Variants in DCC observed in about 807,000 individuals in gnomAD.
The protein encoded by DCC is DCC netrin 1 receptor, also known as netrin receptor DCC.
A neutral mutation model predicts 172.5 loss-of-function variants in DCC; 58 were observed. That is an observed-to-expected ratio of 0.34 (90% CI 0.27 to 0.42). DCC has a LOEUF of 0.42. Among genes scored for constraint, DCC ranks in the 10% least tolerant of loss-of-function variants. The probability of loss-of-function intolerance (pLI) is 1.00; values close to 1 mark genes in which losing one functional copy is unlikely to be tolerated. For missense variants in DCC, 1,740 were observed against 1,791.0 expected, an observed-to-expected ratio of 0.97 and a Z score of 0.51; for synonymous variants, 709 against 644.5, an observed-to-expected ratio of 1.10 and a Z score of -1.52.
chr18:52,420,042 A>G (rs957012116), intron 1 of DCC, among the ~76,000 whole-genome samples: 1 of 152,150 alleles, frequency 6.6e-6, no homozygotes, highest in African/African-American at 2.4e-5. Context: ...AATGTATTTA[A>G]CCATTGTGTG....
intron 16 of DCC, among the ~76,000 whole-genome samples, chr18:53,388,029 A>C (rs1251491288): frequency 6.6e-6 from 1 of 152,208 alleles, no homozygotes; most frequent in Admixed American, 6.5e-5. Context: ...TAATTCTAGC[A>C]TATGACATTC....
chr18:52,793,491 G>T (rs1373397955), intron 2 of DCC, among the ~76,000 whole-genome samples: 2 of 152,056 alleles, frequency 1.3e-5, no homozygotes, highest in South Asian at 2.1e-4. Flanking sequence ...AGTAGTATTT[G>T]TTTTTTGGCT....
intron 1 of DCC, among the ~76,000 whole-genome samples, chr18:52,698,757 C>T (rs1272665852): frequency 8.2e-6 from 1 of 122,070 alleles, no homozygotes; most frequent in African/African-American, 3.2e-5. Context: ...CGCCACCACG[C>T]CTGGCTATTT....
intron 7 of DCC, among the ~76,000 whole-genome samples, chr18:53,093,489 T>C (rs1443678314): frequency 6.6e-6 from 1 of 152,108 alleles, no homozygotes; most frequent in Non-Finnish European, 1.5e-5. Flanking sequence ...GTTCAATACA[T>C]TTGAGCTCAT....
At chr18:52,494,128 C>A (rs1366564793) in intron 1 of DCC, among the ~76,000 whole-genome samples, 4 of 151,952 alleles carry the variant, frequency 2.6e-5, no homozygotes, top group Non-Finnish European at 5.9e-5. Flanking sequence ...AATTTATTTT[C>A]TTTGATTTTC....
At chr18:53,494,711 C>T (rs146521817) in intron 26 of DCC, among the ~76,000 whole-genome samples, 7 of 152,140 alleles carry the variant, frequency 4.6e-5, no homozygotes, top group East Asian at 1.9e-4. Flanking sequence ...TGTGCCTGCA[C>T]GTGAGATGGG....
In DCC at chr18:52,815,394, G is replaced by A. The variant is rs116780843; in HGVS notation, c.412+63020G>A. On this transcript the variant is annotated intron_variant, in intron 2 of 28. Coordinates refer to ENST00000442544, the MANE Select transcript of DCC (RefSeq NM_005215.4). ...AAGAGATAGTAGAGCGCTCACTTGC[G>A]CTTGCCTTCTCACACGTACACACAC... 5.0e-3 allele frequency among the ~76,000 whole-genome samples: 681 copies of A among 136,122 alleles called. 4 individuals are homozygous for A. Among genetic ancestry groups the A allele is most frequent in the African/African-American group, 0.017 (630 of 36,110 alleles). 89.3% of individuals were successfully genotyped at this position (136,122 alleles called of 152,430 possible). A position where few individuals can be genotyped will look rare whatever the true frequency, so the allele number is the denominator to read the frequency against.
At chr18:53,418,642 G>T (rs1389344193) in intron 21 of DCC, among the ~76,000 whole-genome samples, 1 of 152,080 alleles carries the variant, frequency 6.6e-6, no homozygotes, top group Non-Finnish European at 1.5e-5. Context: ...GGTTGAATTT[G>T]ACTTATATGA....
intron 5 of DCC, among the ~76,000 whole-genome samples, chr18:53,044,039 C>T (rs548194470): frequency 3.0e-4 from 46 of 151,822 alleles, no homozygotes; most frequent in African/African-American, 1.0e-3. Flanking sequence ...ATAAAGAGTT[C>T]GATATTACTG....
chr18:52,925,113 G>A, intron 4 of DCC, 121 bp from the exon 5 acceptor site: 2 of 984,054 alleles, frequency 2.0e-6, no homozygotes, highest in South Asian at 1.3e-5. Context: ...AAGCCCTTAT[G>A]ATACACAGTT....
intron 3 of DCC, among the ~76,000 whole-genome samples, chr18:52,914,395 G>GAA (rs1394769022): frequency 2.0e-5 from 3 of 152,176 alleles, no homozygotes; most frequent in South Asian, 2.1e-4. Context: ...GAGAAAGAAA[G>GAA]AGGAAATATG....
intron 12 of DCC, among the ~76,000 whole-genome samples, chr18:53,271,034 G>T (rs374944001): frequency 1.3e-5 from 2 of 152,142 alleles, no homozygotes; most frequent in East Asian, 3.9e-4. Context: ...CTATTACATA[G>T]TGGAGCTCAG....
At chr18:53,063,001 A>T (rs2042516728) in intron 5 of DCC, among the ~76,000 whole-genome samples, 1 of 152,068 alleles carries the variant, frequency 6.6e-6, no homozygotes, top group South Asian at 2.1e-4. Context: ...GTGTAAGTCA[A>T]TTGGGTACAT....
chr18:52,896,847 G>A (rs2039738354), intron 2 of DCC, among the ~76,000 whole-genome samples: 1 of 145,766 alleles, frequency 6.9e-6, no homozygotes, highest in South Asian at 2.3e-4. Flanking sequence ...GGGGAAAGCT[G>A]GGTAGGGGCT....
intron 1 of DCC, among the ~76,000 whole-genome samples, chr18:52,450,075 G>A (rs1200536195): frequency 6.6e-6 from 1 of 152,150 alleles, no homozygotes; most frequent in African/African-American, 2.4e-5. Flanking sequence ...TATTATGGAA[G>A]ACAGAATAAT....
intron 12 of DCC, among the ~76,000 whole-genome samples, chr18:53,217,120 G>C (rs2055863495): frequency 6.6e-6 from 1 of 152,016 alleles, no homozygotes; most frequent in Non-Finnish European, 1.5e-5. Context: ...CTTTAAGAGT[G>C]TACTCCAGGA....
chr18:52,624,874 C>G (rs199714188), intron 1 of DCC, among the ~76,000 whole-genome samples: 1 of 152,224 alleles, frequency 6.6e-6, no homozygotes, highest in South Asian at 2.1e-4. Context: ...ATTTGGCTTA[C>G]GCAGATCGTA....
chr18:52,651,472 C>T (rs905460093), intron 1 of DCC, among the ~76,000 whole-genome samples: 1 of 151,908 alleles, frequency 6.6e-6, no homozygotes, highest in African/African-American at 2.4e-5. Flanking sequence ...TCTGAGCCAC[C>T]ACACTTAGCC....
At chr18:52,564,861 C>T (rs2033122332) in intron 1 of DCC, among the ~76,000 whole-genome samples, 1 of 152,028 alleles carries the variant, frequency 6.6e-6, no homozygotes, top group Non-Finnish European at 1.5e-5. Flanking sequence ...TGTACATGAG[C>T]GCAGATTGCT....
Sources: allele counts gnomAD v4.1 joint callset (sites outside exome capture counted in the v4.1 genomes callset), GRCh38; gene constraint gnomAD v4.1.1; transcripts MANE v1.5; gene names NCBI Gene and HGNC (gene_info 2026-07-23, HGNC 2026-07-21).